DNMBP: variants seen among roughly 807,000 people sequenced by gnomAD.
DNMBP encodes the protein dynamin binding protein, also known as dynamin-binding protein.
In DNMBP, 87 loss-of-function variants were observed where a neutral mutation model predicts 150.0. The observed-to-expected ratio is 0.58, with a 90% CI of 0.49 to 0.69. DNMBP has a LOEUF of 0.69. Ranked by LOEUF, DNMBP falls within the 30% of genes least tolerant of loss-of-function variation. The pLI, the probability that DNMBP is intolerant of heterozygous loss-of-function variation, is 0.00. For missense variants in DNMBP, 1,774 were observed against 1,949.0 expected, an observed-to-expected ratio of 0.91 and a Z score of 1.69; for synonymous variants, 711 against 750.4, an observed-to-expected ratio of 0.95 and a Z score of 0.86.
At chr10:99,937,437 C>T (rs1011326763) in intron 4 of DNMBP, among the ~76,000 whole-genome samples, 6 of 152,144 alleles carry the variant, frequency 3.9e-5, no homozygotes, top group Non-Finnish European at 4.4e-5. Flanking sequence ...AAACAATCTG[C>T]GAGTGTGAAT....
intron 1 of DNMBP, among the ~76,000 whole-genome samples, chr10:99,998,793 AT>A (rs565576621): frequency 7.8e-4 from 119 of 151,980 alleles, no homozygotes; most frequent in Non-Finnish European, 1.5e-3. Flanking sequence ...AGGGAATCCT[AT>A]TTTTTTTAAG....
chr10:99,956,851 A>G lies in DNMBP; in HGVS notation c.623T>C (p.Val208Ala). 1.2e-6 allele frequency: 2 copies of G among 1,614,152 alleles called. No homozygotes were observed. The highest frequency in any genetic ancestry group is 1.7e-6 in the Non-Finnish European group (2 of 1,180,016). ...FVELLGPLRTVDESVSSGNQD... is the reference protein window; with the variant it reads ...FVELLGPLRTADESVSSGNQD... ...ATTTCCAGAACTTACTGACTCATCCACAGTCCTCAGGGGCCCCAACAGCTC... is the reference window on the plus strand; with the variant it reads ...ATTTCCAGAACTTACTGACTCATCCGCAGTCCTCAGGGGCCCCAACAGCTC... The change falls in exon 4 of 17, where the codon GTG becomes GCG. Residue 208 changes from valine (V) to alanine (A), a missense_variant. Physicochemically the swap from Val to Ala is moderately conservative, Grantham distance 64. This residue lies in a region of DNMBP where 344 missense variants were observed against 456.6 expected (regional missense o/e 0.75). Transcript: ENST00000324109.
rs565041649 is a variant in DNMBP, at chr10:99,959,391, C to T, written c.269-2186G>A. On this transcript the variant is annotated intron_variant, in intron 3 of 16. Transcript: ENST00000324109. ...GTCACAGATACTTGGAAGGCTGAGG[C>T]GGGAGAGTCACTTGAACCTGGGAAG... 5.9e-5 allele frequency among the ~76,000 whole-genome samples: 9 copies of T among 151,884 alleles called. 1 individual carries two copies. The highest frequency in any genetic ancestry group is 2.0e-4 in the Admixed American group (3 of 15,228).
chr10:99,936,921 C>T (rs1445788989), intron 4 of DNMBP, among the ~76,000 whole-genome samples: 1 of 151,910 alleles, frequency 6.6e-6, no homozygotes, highest in Non-Finnish European at 1.5e-5. Context: ...TTCTTTGAGA[C>T]AGAGTGTTAC....
intron 11 of DNMBP, among the ~76,000 whole-genome samples, chr10:99,890,565 A>AGG (rs1399175741): frequency 1.3e-5 from 2 of 152,176 alleles, no homozygotes; most frequent in African/African-American, 4.8e-5. Flanking sequence ...TGGCCAACAG[A>AGG]GGGATATCAG....
At chr10:99,946,403 CT>C (rs2040357747) in intron 4 of DNMBP, among the ~76,000 whole-genome samples, 1 of 152,142 alleles carries the variant, frequency 6.6e-6, no homozygotes, top group Non-Finnish European at 1.5e-5. Flanking sequence ...ATTTAAAATA[CT>C]ATTTAAAGGC....
intron 4 of DNMBP, chr10:99,930,958 G>T (rs1259161881): frequency 2.1e-6 from 1 of 484,318 alleles, no homozygotes; most frequent in African/African-American, 2.0e-5. Context: ...GATCCAATCA[G>T]CGAGCTACTC....
chr10:99,903,421 C>A (rs912176200), intron 6 of DNMBP, among the ~76,000 whole-genome samples: 1 of 152,046 alleles, frequency 6.6e-6, no homozygotes. Context: ...CAGCCTTGAC[C>A]TCCTGAGCTC....
At chr10:99,904,401 C>T (rs927237572) in intron 6 of DNMBP, among the ~76,000 whole-genome samples, 1 of 152,094 alleles carries the variant, frequency 6.6e-6, no homozygotes, top group African/African-American at 2.4e-5. Flanking sequence ...GACCATGTAC[C>T]CAGAGTCTCC....
intron 11 of DNMBP, among the ~76,000 whole-genome samples, chr10:99,893,976 A>C (rs7076166): frequency 1.3e-5 from 2 of 151,870 alleles, no homozygotes. Flanking sequence ...CTTTTTTTTT[A>C]AAAAAGTTAA....
chr10:99,884,110 G>A lies in DNMBP; in HGVS notation c.3898C>T (p.Gln1300Ter), dbSNP rs944404890. ...TCCAAAAGTGAGACATCCAAGTCTT[G>A]AGCAGCATTGAAGTTCCGTTCTGCC... Reference protein sequence around the residue: ...FQAERNFNAAQDLDVSLLEGD... With the variant: ...FQAERNFNAA The change falls in exon 15 of 17, where the codon CAA becomes TAA. Residue 1300 changes from glutamine (Q) to a stop codon, truncating the protein, a stop_gained. Transcript: ENST00000324109. LOFTEE classifies it high-confidence loss of function. 8 of 1,613,974 alleles carry A rather than the reference G, an allele frequency of 5.0e-6. No homozygotes were observed. In the African/African-American group the frequency reaches 1.1e-4, roughly 22 times the overall value.
chr10:99,895,525 CAA>C (rs1392101986), intron 10 of DNMBP, among the ~76,000 whole-genome samples: 9 of 152,318 alleles, frequency 5.9e-5, no homozygotes, highest in African/African-American at 2.2e-4. Flanking sequence ...CATGTGGTTT[CAA>C]AAGACCTCCA....
At position 99,886,287 on chromosome 10, in the gene DNMBP, G is replaced by A. The variant is rs772717278; in HGVS notation, c.3618+13C>T. The A allele has an allele frequency of 6.7e-5, 107 of 1,606,266 alleles. No individual in the cohort carries two copies. The South Asian group carries it at 1.1e-3, about 17-fold the overall frequency. ...TATAGATGACCATCCCACTGAACAGGTAAGAAACTCACCGAAAGCAGTGGC... is the reference window on the plus strand; with the variant it reads ...TATAGATGACCATCCCACTGAACAGATAAGAAACTCACCGAAAGCAGTGGC... On this transcript the variant is annotated intron_variant, in intron 13 of 16. Transcript: ENST00000324109.
intron 3 of DNMBP, among the ~76,000 whole-genome samples, chr10:99,967,698 T>TGTGG (rs1554871378): frequency 4.0e-5 from 6 of 150,972 alleles, no homozygotes; most frequent in South Asian, 2.1e-4. Context: ...TGTGTGTGTG[T>TGTGG]GGGTATGTGT....
At chr10:100,001,411 T>C (rs996951768) in intron 1 of DNMBP, among the ~76,000 whole-genome samples, 2 of 39,986 alleles carry the variant, frequency 5.0e-5, no homozygotes, top group African/African-American at 1.4e-4. Flanking sequence ...TTTGTTGTTG[T>C]TGTTTTTTTT....
At chr10:99,938,532 G>A (rs890270885) in intron 4 of DNMBP, among the ~76,000 whole-genome samples, 1 of 152,140 alleles carries the variant, frequency 6.6e-6, no homozygotes, top group South Asian at 2.1e-4. Flanking sequence ...GTGACACAGT[G>A]AGACTCCATC....
chr10:99,879,087 A>AAAAAAAAAAAAC (rs2039321194), intron 16 of DNMBP, among the ~76,000 whole-genome samples: 1 of 149,400 alleles, frequency 6.7e-6, no homozygotes, highest in Non-Finnish European at 1.5e-5. Context: ...TCTGTCTCAA[A>AAAAAAAAAAAAC]AAAAAAAAAA....
chr10:99,997,154 A>C (rs1361702704), intron 1 of DNMBP, among the ~76,000 whole-genome samples: 3 of 152,192 alleles, frequency 2.0e-5, no homozygotes, highest in Non-Finnish European at 4.4e-5. Flanking sequence ...TGATAAGCAG[A>C]TCTAAACTGT....
chr10:99,929,489 C>A, intron 4 of DNMBP: 1 of 594,042 alleles, frequency 1.7e-6, no homozygotes, highest in South Asian at 2.1e-5. Flanking sequence ...TCAAGGTGCA[C>A]TTGATAAGAA....
Sources: allele counts gnomAD v4.1 joint callset (sites outside exome capture counted in the v4.1 genomes callset), GRCh38; gene constraint gnomAD v4.1.1; regional missense constraint gnomAD v4.1.1; transcripts MANE v1.5; gene names NCBI Gene and HGNC (gene_info 2026-07-23, HGNC 2026-07-21).